RIC1: variants seen among roughly 807,000 people sequenced by gnomAD.
The protein encoded by RIC1 is guanine nucleotide exchange factor subunit RIC1.
A neutral mutation model predicts 169.0 loss-of-function variants in RIC1; 88 were observed. The observed-to-expected ratio is 0.52, with a 90% CI of 0.44 to 0.62. The LOEUF is 0.62. Among genes scored for constraint, RIC1 ranks in the 20% least tolerant of loss-of-function variants. The pLI, the probability that RIC1 is intolerant of heterozygous loss-of-function variation, is 0.00. For synonymous variants in RIC1, 790 were observed against 601.5 expected, an observed-to-expected ratio of 1.31 and a Z score of -4.59; for missense variants, 1,877 against 1,725.5, an observed-to-expected ratio of 1.09 and a Z score of -1.56.
chr9:5,666,625 T>A (rs75713705), intron 2 of RIC1, among the ~76,000 whole-genome samples: 2 of 152,228 alleles, frequency 1.3e-5, no homozygotes, highest in Non-Finnish European at 2.9e-5. Context: ...ATGCTCTCTT[T>A]GCGTCAATTG....
intron 2 of RIC1, among the ~76,000 whole-genome samples, chr9:5,685,742 A>G (rs1304755276): frequency 0.026 from 3,895 of 149,414 alleles, 42 homozygotes; most frequent in Non-Finnish European, 0.032. Flanking sequence ...TAAAACACCA[A>G]AAGCAATGGC....
chr9:5,757,012 A>C (rs1225597318), intron 16 of RIC1, among the ~76,000 whole-genome samples: 1 of 152,206 alleles, frequency 6.6e-6, no homozygotes, highest in African/African-American at 2.4e-5. Flanking sequence ...TGATTGAACC[A>C]TCATTCTTTC....
chr9:5,689,094 C>T lies in RIC1; in HGVS notation c.253-865C>T, dbSNP rs12554414. Among the ~76,000 whole-genome samples, 21 of 138,116 alleles carry T rather than the reference C, an allele frequency of 1.5e-4. 1 individual carries two copies. Among genetic ancestry groups the T allele is most frequent in the South Asian group, 1.3e-3 (6 of 4,476 alleles). The allele number at this position is 138,116 out of a possible 152,430, so 90.6% of individuals were successfully genotyped here. On this transcript the variant is annotated intron_variant, in intron 2 of 25. Transcript: ENST00000414202. ...GACGGAGTCTCGCTCTGTCGCCCAG[C>T]GGGGAGTGCAGTGGCGCGATCTTAG...
At chr9:5,770,033 T>C (rs1316821366) in intron 22 of RIC1, 54 bp from the exon 23 acceptor site, 15 of 1,438,502 alleles carry the variant, frequency 1.0e-5, no homozygotes, top group African/African-American at 1.4e-5. Context: ...AAAATGTCAG[T>C]GTGTGCATCT....
chr9:5,670,353 G>T (rs912556189), intron 2 of RIC1, among the ~76,000 whole-genome samples: 1 of 152,068 alleles, frequency 6.6e-6, no homozygotes, highest in African/African-American at 2.4e-5. Context: ...AATGCTCTTA[G>T]GGGAAAAAAA....
intron 22 of RIC1, chr9:5,769,515 A>C: frequency 1.5e-6 from 2 of 1,292,296 alleles, no homozygotes; most frequent in Non-Finnish European, 2.0e-6. Context: ...AAAGAAGTTG[A>C]GAACTGCCTG....
intron 3 of RIC1, 61 bp downstream of exon 3, chr9:5,690,099 CAT>C (rs1821507440): frequency 1.7e-6 from 2 of 1,185,896 alleles, no homozygotes; most frequent in Non-Finnish European, 2.4e-6. Flanking sequence ...TTCAGAAAAA[CAT>C]TACAGTTTTG....
At chr9:5,643,590 G>T (rs2130335494) in intron 1 of RIC1, among the ~76,000 whole-genome samples, 1 of 152,140 alleles carries the variant, frequency 6.6e-6, no homozygotes, top group East Asian at 1.9e-4. Context: ...CCCTTTTTAT[G>T]CAAGGTGCTT....
chr9:5,771,053 A>T lies in RIC1; in HGVS notation c.3616+775A>T, dbSNP rs117137477. Among the ~76,000 whole-genome samples the T allele has an allele frequency of 2.1e-3, 323 of 152,280 alleles. 1 individual carries two copies. In the East Asian group the frequency reaches 0.027, roughly 13 times the overall value. ...TGTGAGGAGGCTTACAGATCTCATT[A>T]GTTTTGTTTTAAATTGTGGTAGAAT... On this transcript the variant is annotated intron_variant, in intron 23 of 25. Transcript: ENST00000414202.
At position 5,769,140 on chromosome 9, in the gene RIC1, G is replaced by T. The variant is rs143393991; in HGVS notation, c.3308G>T (p.Arg1103Leu). Reference protein sequence around the residue: ...WLCKERTRAARVDNFVIALKR... With the variant: ...WLCKERTRAALVDNFVIALKR... Reference sequence around the variant, plus strand: ...TGCAAGGAACGTACCCGAGCCGCCCGGGTAGACAACTTTGTAATAGCCCTG... The same window carrying T: ...TGCAAGGAACGTACCCGAGCCGCCCTGGTAGACAACTTTGTAATAGCCCTG... Residue 1103 changes from arginine to leucine, a missense_variant, in exon 22 of 26, where the codon CGG becomes CTG. Arg to Leu is a moderately radical substitution (Grantham distance 102). Coordinates refer to ENST00000414202, the MANE Select transcript of RIC1 (RefSeq NM_020829.4). 6.2e-7 allele frequency: 1 copy of T among 1,613,960 alleles called. No individual in the cohort carries two copies. Among genetic ancestry groups the T allele is most frequent in the Non-Finnish European group, 8.5e-7 (1 of 1,179,988 alleles).
intron 8 of RIC1, among the ~76,000 whole-genome samples, chr9:5,741,663 T>C (rs1427141724): frequency 6.6e-6 from 1 of 152,214 alleles, no homozygotes; most frequent in Non-Finnish European, 1.5e-5. Context: ...CCAATCTGTA[T>C]GCATCCTGCT....
rs560442315 is a variant in RIC1, at chr9:5,679,021, A to G, written c.253-10938A>G. On this transcript the variant is annotated intron_variant, in intron 2 of 25. Transcript: ENST00000414202. ...TAATCCATCTTGAATTAATTTTTGT[A>G]TAAGGTATAAGGAAGGGATCCAGTT... is the stretch of plus-strand genomic sequence containing the variant. Among the ~76,000 whole-genome samples, 1,299 of 152,168 alleles carry G rather than the reference A, an allele frequency of 8.5e-3. 14 individuals carry two copies. Among genetic ancestry groups the G allele is most frequent in the African/African-American group, 0.03 (1,248 of 41,516 alleles).
intron 2 of RIC1, among the ~76,000 whole-genome samples, chr9:5,684,395 G>A (rs1182617320): frequency 3.4e-5 from 5 of 148,502 alleles, no homozygotes; most frequent in Non-Finnish European, 7.4e-5. Flanking sequence ...TGCTATCTTA[G>A]CAATATAAAC....
chr9:5,679,050 G>C (rs1281999391), intron 2 of RIC1, among the ~76,000 whole-genome samples: 1 of 152,064 alleles, frequency 6.6e-6, no homozygotes. Context: ...TCCAGTTTCA[G>C]CTTTCTACAT....
chr9:5,777,402 C>T (rs1309472854), downstream of RIC1, among the ~76,000 whole-genome samples: 3 of 143,108 alleles, frequency 2.1e-5, no homozygotes, highest in Admixed American at 1.4e-4. Flanking sequence ...TTAAATACTG[C>T]TAAAAAAAAA....
At chr9:5,674,240 A>G (rs776167979) in intron 2 of RIC1, among the ~76,000 whole-genome samples, 18 of 152,264 alleles carry the variant, frequency 1.2e-4, no homozygotes, top group South Asian at 2.1e-4. Context: ...TTCATTGAAC[A>G]TGGAGAAATT....
At chr9:5,677,777 A>G (rs1820541504) in intron 2 of RIC1, among the ~76,000 whole-genome samples, 1 of 152,150 alleles carries the variant, frequency 6.6e-6, no homozygotes, top group African/African-American at 2.4e-5. Context: ...TTATATGTAA[A>G]TTAAAACTAC....
chr9:5,754,787 T>C, intron 14 of RIC1, 54 bp from the exon 15 acceptor site: 3 of 1,026,560 alleles, frequency 2.9e-6, no homozygotes, highest in Non-Finnish European at 2.9e-6. Flanking sequence ...TATATTACTT[T>C]GTTATAATTT....
intron 3 of RIC1, among the ~76,000 whole-genome samples, chr9:5,691,773 A>G (rs1821603063): frequency 6.6e-6 from 1 of 152,022 alleles, no homozygotes; most frequent in Non-Finnish European, 1.5e-5. Flanking sequence ...AAAAGCAGTA[A>G]TCAGAAACAA....
Sources: gnomAD v4.1 joint callset for allele counts (sites outside exome capture counted in the v4.1 genomes callset) on GRCh38, gnomAD v4.1.1 for gene constraint, MANE v1.5 for transcripts, NCBI Gene and HGNC (gene_info 2026-07-23, HGNC 2026-07-21) for gene names.